The following STK32A variants were observed in gnomAD, a reference collection of about 807,000 sequenced individuals.
The protein encoded by STK32A is serine/threonine kinase 32A.
Under a neutral mutation model 53.2 loss-of-function variants are expected in STK32A, and 41 were observed. The ratio of observed to expected loss-of-function variants is 0.77; its 90% CI spans 0.60 to 1.00. STK32A has a LOEUF of 1.00. STK32A is among the 50% of genes least tolerant of loss of function. The pLI, the probability that STK32A is intolerant of heterozygous loss-of-function variation, is 0.00. For missense variants in STK32A, 458 were observed against 485.8 expected (o/e 0.94, Z 0.54); for synonymous variants, 166 against 162.8 (o/e 1.02, Z -0.15).
rs557133292 is a variant in STK32A, at chr5:147,251,278, C to T, written c.52+11592C>T. Among the ~76,000 whole-genome samples the T allele has an allele frequency of 5.3e-5, 8 of 152,316 alleles. No homozygotes were observed. In the South Asian group the frequency reaches 1.7e-3, roughly 32 times the overall value. On this transcript the variant is annotated intron_variant, in intron 2 of 12. Transcript: ENST00000397936. ...TTAGGCTCTCATCAACACCCACCTC[C>T]ATATCCAGATATTGAGTACCTCAGG...
chr5:147,354,004 TAG>T (rs10668611), intron 7 of STK32A, among the ~76,000 whole-genome samples: 72 of 147,956 alleles, frequency 4.9e-4, no homozygotes, highest in Non-Finnish European at 4.8e-4. Context: ...CCCATGTAAC[TAG>T]AGAGAGAGAG....
At chr5:147,328,518 A>G (rs1754710966) in intron 5 of STK32A, among the ~76,000 whole-genome samples, 3 of 152,230 alleles carry the variant, frequency 2.0e-5, no homozygotes, top group South Asian at 4.1e-4. Context: ...GAATTGTGCA[A>G]TTAGACAACT....
rs71274369 is a variant in STK32A, at chr5:147,372,269, C to CTTTTTTT, written c.778-876_778-870dup. ...GGGGCCCAAGAGGAATGGGCTTGGC[C>CTTTTTTT]TTTTTTTTTTTTTTTTTTTTTTTTT... On this transcript the variant is annotated intron_variant, in intron 9 of 12. Transcript: ENST00000397936. Among the ~76,000 whole-genome samples the CTTTTTTT allele has an allele frequency of 4.3e-4, 21 of 49,350 alleles. 3 individuals carry two copies. The highest frequency in any genetic ancestry group is 2.7e-3 in the East Asian group (3 of 1,128). 32.4% of individuals were successfully genotyped at this position (49,350 alleles called of 152,430 possible).
chr5:147,349,530 C>T (rs181162788), intron 6 of STK32A, among the ~76,000 whole-genome samples: 24 of 152,312 alleles, frequency 1.6e-4, no homozygotes, highest in African/African-American at 4.6e-4. Context: ...GCTTTTGGCA[C>T]GGCCCTTTTG....
intron 2 of STK32A, among the ~76,000 whole-genome samples, chr5:147,249,826 T>C (rs1210433020): frequency 7.3e-6 from 1 of 137,732 alleles, no homozygotes; most frequent in Non-Finnish European, 1.5e-5. Flanking sequence ...GGCAGGAGAA[T>C]CCCTTGAACC....
chr5:147,366,810 G>T (rs1412004951), intron 8 of STK32A, among the ~76,000 whole-genome samples: 1 of 151,368 alleles, frequency 6.6e-6, no homozygotes, highest in African/African-American at 2.4e-5. Flanking sequence ...TCTATCTTCA[G>T]ATAGATAGAT....
intron 5 of STK32A, among the ~76,000 whole-genome samples, chr5:147,337,380 T>C (rs1755187286): frequency 6.6e-6 from 1 of 152,184 alleles, no homozygotes; most frequent in African/African-American, 2.4e-5. Context: ...TACATACACA[T>C]ACACTTACTG....
At chr5:147,344,684 G>T (rs937645066) in intron 6 of STK32A, among the ~76,000 whole-genome samples, 2 of 152,214 alleles carry the variant, frequency 1.3e-5, no homozygotes, top group South Asian at 4.1e-4. Context: ...AGGGAGAAGT[G>T]CTCCCCCTGC....
chr5:147,297,715 G>A (rs1752930934), intron 4 of STK32A, among the ~76,000 whole-genome samples: 1 of 152,072 alleles, frequency 6.6e-6, no homozygotes, highest in Non-Finnish European at 1.5e-5. Context: ...TAAATGTGCT[G>A]GCTTAAAATC....
chr5:147,400,968 G>T, the STK32A span: 37 of 1,167,250 alleles, frequency 3.2e-5, no homozygotes, highest in Non-Finnish European at 4.2e-5. Context: ...CCTCTTACTA[G>T]ATATATGAGC....
chr5:147,359,868 T>G (rs1209776184), intron 7 of STK32A, among the ~76,000 whole-genome samples: 2 of 152,116 alleles, frequency 1.3e-5, no homozygotes, highest in Non-Finnish European at 2.9e-5. Context: ...ACACTCTACC[T>G]CTCTAGTTGG....
At chr5:147,310,624 G>A (rs1291473907) in intron 4 of STK32A, among the ~76,000 whole-genome samples, 2 of 152,088 alleles carry the variant, frequency 1.3e-5, no homozygotes, top group South Asian at 2.1e-4. Context: ...CTCTGTGATC[G>A]GTCTATGATT....
chr5:147,269,727 TC>T (rs1754949759), intron 2 of STK32A, among the ~76,000 whole-genome samples: 1 of 152,206 alleles, frequency 6.6e-6, no homozygotes, highest in Non-Finnish European at 1.5e-5. Context: ...TAATTTGCTA[TC>T]AACTGGGGCT....
At chr5:147,326,499 A>T (rs2151979268) in intron 5 of STK32A, among the ~76,000 whole-genome samples, 1 of 152,130 alleles carries the variant, frequency 6.6e-6, no homozygotes, top group Admixed American at 6.5e-5. Context: ...ACCCTTTTGT[A>T]CCTCTCCTGA....
chr5:147,256,736 T>C (rs935181265), intron 2 of STK32A, among the ~76,000 whole-genome samples: 1 of 152,152 alleles, frequency 6.6e-6, no homozygotes, highest in African/African-American at 2.4e-5. Context: ...GGTCTTGAAC[T>C]CCCAACCTCA....
chr5:147,260,310 TCTCTCTCTTCTCC>T, intron 2 of STK32A, among the ~76,000 whole-genome samples: 1 of 150,748 alleles, frequency 6.6e-6, no homozygotes, highest in East Asian at 2.0e-4. Context: ...TCTCTCTCTC[TCTCTCTCTTCTCC>T]GTCTCTATCT....
At chr5:147,272,127 GA>G (rs986045028) in intron 2 of STK32A, among the ~76,000 whole-genome samples, 9 of 152,114 alleles carry the variant, frequency 5.9e-5, no homozygotes, top group African/African-American at 2.2e-4. Flanking sequence ...GATGCTTGGG[GA>G]AAATAGAAAA....
intron 4 of STK32A, among the ~76,000 whole-genome samples, chr5:147,289,224 G>A (rs1249422175): frequency 6.6e-6 from 1 of 152,012 alleles, no homozygotes; most frequent in Non-Finnish European, 1.5e-5. Context: ...AATATATTGT[G>A]TGCAATTTAA....
chr5:147,368,688 TA>T (rs923093115), intron 8 of STK32A, among the ~76,000 whole-genome samples: 5 of 152,104 alleles, frequency 3.3e-5, no homozygotes, highest in African/African-American at 9.7e-5. Flanking sequence ...AAAAGTAAAT[TA>T]AAAAATAAGA....
Sources: gnomAD v4.1 joint callset for allele counts (sites outside exome capture counted in the v4.1 genomes callset) on GRCh38, gnomAD v4.1.1 for gene constraint, MANE v1.5 for transcripts, NCBI Gene and HGNC (gene_info 2026-07-23, HGNC 2026-07-21) for gene names.